The following TAOK3 variants were observed in gnomAD, a reference collection of about 807,000 sequenced individuals.
TAOK3 encodes serine/threonine-protein kinase TAO3.
Under a neutral mutation model 120.4 loss-of-function variants are expected in TAOK3, and 40 were observed. That is an observed-to-expected ratio of 0.33 (90% CI 0.26 to 0.43). TAOK3 has a LOEUF of 0.43. Among genes scored for constraint, TAOK3 ranks in the 20% least tolerant of loss-of-function variants. The pLI is 1.00. For missense variants in TAOK3, 821 were observed against 1,112.1 expected, an observed-to-expected ratio of 0.74 and a Z score of 3.72; for synonymous variants, 355 against 387.5, an observed-to-expected ratio of 0.92 and a Z score of 0.99.
intron 19 of TAOK3, among the ~76,000 whole-genome samples, chr12:118,159,393 C>T (rs2035067592): frequency 6.6e-6 from 1 of 151,470 alleles, no homozygotes; most frequent in African/African-American, 2.4e-5. Context: ...TCACTGCAAC[C>T]TCCACCTCCC....
At chr12:118,186,770 G>C (rs1276708202) in intron 14 of TAOK3, among the ~76,000 whole-genome samples, 3 of 152,160 alleles carry the variant, frequency 2.0e-5, no homozygotes, top group Non-Finnish European at 2.9e-5. Flanking sequence ...CAATGCTAAA[G>C]TTTTCTCAGG....
intron 9 of TAOK3, among the ~76,000 whole-genome samples, chr12:118,229,122 CAG>C (rs1194842289): frequency 6.7e-6 from 1 of 150,012 alleles, no homozygotes; most frequent in East Asian, 2.0e-4. Flanking sequence ...TTGGGGGGGA[CAG>C]AGTTTCGATC....
At chr12:118,182,948 T>C (rs1026404658) in intron 14 of TAOK3, among the ~76,000 whole-genome samples, 4 of 152,208 alleles carry the variant, frequency 2.6e-5, no homozygotes, top group African/African-American at 9.6e-5. Context: ...TGCTCATTTC[T>C]ATTAAATCTT....
chr12:118,223,074 T>C (rs1352552980), intron 9 of TAOK3, among the ~76,000 whole-genome samples: 2 of 110,304 alleles, frequency 1.8e-5, no homozygotes, highest in African/African-American at 3.3e-5. Context: ...TTTTTTTTTT[T>C]TTTTTTTTTT....
intron 9 of TAOK3, among the ~76,000 whole-genome samples, chr12:118,218,377 G>C (rs1464527610): frequency 6.6e-6 from 1 of 152,076 alleles, no homozygotes; most frequent in Non-Finnish European, 1.5e-5. Context: ...GTGGGGGACT[G>C]GTTCCCGTTC....
chr12:118,359,701 G>A (rs2045527022), intron 1 of TAOK3: 2 of 152,154 alleles, frequency 1.3e-5, no homozygotes, highest in Non-Finnish European at 2.9e-5. Flanking sequence ...ATTGCAAGCT[G>A]AAGTATTTCC....
chr12:118,199,004 C>G, intron 13 of TAOK3, 47 bp downstream of exon 13: 2 of 1,605,450 alleles, frequency 1.2e-6, no homozygotes, highest in Non-Finnish European at 8.5e-7. Context: ...ACTGGATTCG[C>G]TATGATTGAC....
At chr12:118,181,021 T>C (rs2036683200) in intron 15 of TAOK3, among the ~76,000 whole-genome samples, 1 of 151,894 alleles carries the variant, frequency 6.6e-6, no homozygotes, top group Non-Finnish European at 1.5e-5. Context: ...ATTTTTGTAT[T>C]TTTAGAAGAG....
intron 1 of TAOK3, among the ~76,000 whole-genome samples, chr12:118,329,226 T>C (rs1400592755): frequency 6.6e-6 from 1 of 152,170 alleles, no homozygotes; most frequent in East Asian, 1.9e-4. Context: ...ACCTTTAAAC[T>C]CGCTTTAAAC....
At chr12:118,217,648 C>T (rs12319300) in intron 9 of TAOK3, among the ~76,000 whole-genome samples, 4,088 of 150,720 alleles carry the variant, frequency 0.027, 156 homozygotes, top group African/African-American at 0.084. Flanking sequence ...CATGCCACTG[C>T]ACTCCAGCCT....
At chr12:118,224,258 T>C (rs1255894609) in intron 9 of TAOK3, among the ~76,000 whole-genome samples, 2 of 152,218 alleles carry the variant, frequency 1.3e-5, no homozygotes, top group Non-Finnish European at 2.9e-5. Context: ...AATAACTCTG[T>C]ACATTTTAAG....
chr12:118,223,420 C>G (rs1157723814), intron 9 of TAOK3, among the ~76,000 whole-genome samples: 1 of 151,666 alleles, frequency 6.6e-6, no homozygotes, highest in East Asian at 1.9e-4. Flanking sequence ...GATCTTGGCT[C>G]GCTGCAATCT....
intron 11 of TAOK3, among the ~76,000 whole-genome samples, chr12:118,203,256 A>G (rs926194244): frequency 1.3e-5 from 2 of 152,118 alleles, no homozygotes; most frequent in Non-Finnish European, 2.9e-5. Flanking sequence ...CATTTCCCCA[A>G]TTAAAAAAAA....
intron 2 of TAOK3, among the ~76,000 whole-genome samples, chr12:118,265,637 G>A (rs550230485): frequency 6.6e-6 from 1 of 152,200 alleles, no homozygotes; most frequent in South Asian, 2.1e-4. Flanking sequence ...TTTTTTTGGG[G>A]TAAGGGTATA....
chr12:118,283,401 T>C (rs2042161143), intron 1 of TAOK3, among the ~76,000 whole-genome samples: 1 of 152,188 alleles, frequency 6.6e-6, no homozygotes. Context: ...CTTAATGCTT[T>C]AATGGAAGAG....
At chr12:118,272,291 CAA>C (rs773516018) in intron 1 of TAOK3, among the ~76,000 whole-genome samples, 3 of 64,186 alleles carry the variant, frequency 4.7e-5, no homozygotes, top group African/African-American at 5.4e-5. Context: ...GACTCCATCT[CAA>C]AAAAAAAAAA....
intron 15 of TAOK3, among the ~76,000 whole-genome samples, chr12:118,179,068 T>G (rs1361513010): frequency 1.3e-5 from 2 of 152,188 alleles, no homozygotes; most frequent in Non-Finnish European, 2.9e-5. Context: ...CAAGAAAGAA[T>G]CTGACTGATT....
chr12:118,280,756 G>A (rs1021001448), intron 1 of TAOK3, among the ~76,000 whole-genome samples: 2 of 152,174 alleles, frequency 1.3e-5, no homozygotes, highest in African/African-American at 2.4e-5. Context: ...AGTTTGATAG[G>A]AATAGCACTG....
At chr12:118,202,066 C>A (rs1004323845) in intron 11 of TAOK3, among the ~76,000 whole-genome samples, 2 of 151,524 alleles carry the variant, frequency 1.3e-5, no homozygotes, top group South Asian at 4.2e-4. Flanking sequence ...TCTGGTTTAT[C>A]TCACTTAGCA....
Sources: gnomAD v4.1 joint callset for allele counts (sites outside exome capture counted in the v4.1 genomes callset) on GRCh38, gnomAD v4.1.1 for gene constraint, MANE v1.5 for transcripts, NCBI Gene and HGNC (gene_info 2026-07-23, HGNC 2026-07-21) for gene names.